The following WWOX variants were observed in gnomAD, a reference collection of about 807,000 sequenced individuals.
WWOX encodes the protein WW domain containing oxidoreductase.
WWOX carries 69 observed loss-of-function variants against 46.2 expected under a neutral mutation model. That is an observed-to-expected ratio of 1.49 (90% CI 1.23 to 1.82). The LOEUF is 1.82. Ranked by LOEUF, WWOX falls within the 40% of genes most tolerant of loss-of-function variation. WWOX has a pLI of 0.00. For synonymous variants in WWOX, 359 were observed against 202.6 expected (o/e 1.77, Z -6.56); for missense variants, 919 against 542.6 (o/e 1.69, Z -6.89).
chr16:78,389,292 G>A lies in WWOX; in HGVS notation c.605+2344G>A, dbSNP rs188563978. On this transcript the variant is annotated intron_variant, in intron 6 of 8. Coordinates refer to ENST00000566780, the MANE Select transcript of WWOX (RefSeq NM_016373.4). ...TGCTTCGTCATTCATTTATCCACCC[G>A]TTCCTTCACTTCACACACATTTCAG... 2.1e-3 allele frequency among the ~76,000 whole-genome samples: 326 copies of A among 152,230 alleles called. 4 individuals are homozygous for A. The highest frequency in any genetic ancestry group is 0.019 in the Admixed American group (290 of 15,290).
At chr16:79,040,753 C>A (rs1417460975) in intron 8 of WWOX, among the ~76,000 whole-genome samples, 1 of 152,048 alleles carries the variant, frequency 6.6e-6, no homozygotes, top group African/African-American at 2.4e-5. Flanking sequence ...GACTTGTCAG[C>A]CAGGGAACCT....
chr16:78,959,833 T>C (rs1047907274), intron 8 of WWOX, among the ~76,000 whole-genome samples: 23 of 152,288 alleles, frequency 1.5e-4, no homozygotes, highest in African/African-American at 5.5e-4. Flanking sequence ...TACGGGGAAC[T>C]ATAAAAGATC....
At chr16:78,354,510 A>G (rs541302445) in intron 5 of WWOX, among the ~76,000 whole-genome samples, 33 of 152,254 alleles carry the variant, frequency 2.2e-4, no homozygotes, top group Admixed American at 5.9e-4. Flanking sequence ...TAAACTGGCA[A>G]TTACAACTGG....
chr16:79,210,425 T>C (rs995152582), intron 8 of WWOX, among the ~76,000 whole-genome samples: 2 of 152,184 alleles, frequency 1.3e-5, no homozygotes, highest in African/African-American at 4.8e-5. Context: ...ATGGTCACAA[T>C]GTAAACCCTG....
At chr16:78,857,627 T>C (rs544566907) in intron 8 of WWOX, among the ~76,000 whole-genome samples, 2 of 152,348 alleles carry the variant, frequency 1.3e-5, no homozygotes, top group East Asian at 1.9e-4. Context: ...TAGCCTAACA[T>C]TGACTATCTT....
intron 8 of WWOX, among the ~76,000 whole-genome samples, chr16:79,160,368 G>A (rs554443373): frequency 9.4e-4 from 143 of 152,184 alleles, no homozygotes; most frequent in Non-Finnish European, 1.8e-3. Flanking sequence ...ACCTAGTCCC[G>A]GCTCCACCTA....
chr16:79,023,178 T>C (rs2047569007), intron 8 of WWOX, among the ~76,000 whole-genome samples: 1 of 152,216 alleles, frequency 6.6e-6, no homozygotes. Flanking sequence ...CTTGACCTAA[T>C]GGAAAGCTTG....
intron 3 of WWOX, among the ~76,000 whole-genome samples, chr16:78,114,249 T>A (rs1256128925): frequency 6.6e-6 from 1 of 152,070 alleles, no homozygotes; most frequent in Non-Finnish European, 1.5e-5. Flanking sequence ...TACAGGCGTG[T>A]GCTATCACAC....
At chr16:78,185,834 T>C (rs1278419657) in intron 5 of WWOX, among the ~76,000 whole-genome samples, 1 of 119,492 alleles carries the variant, frequency 8.4e-6, no homozygotes, top group Non-Finnish European at 1.8e-5. Context: ...GCCCAGCTAA[T>C]TTTTGTATTT....
intron 8 of WWOX, among the ~76,000 whole-genome samples, chr16:78,540,020 T>TCTCACACACACA (rs369075883): frequency 1.5e-5 from 2 of 132,920 alleles, no homozygotes; most frequent in African/African-American, 6.0e-5. Context: ...TCTCTCTCTC[T>TCTCACACACACA]CACACACACA....
chr16:78,945,341 C>A (rs935116203), intron 8 of WWOX, among the ~76,000 whole-genome samples: 5 of 152,264 alleles, frequency 3.3e-5, no homozygotes, highest in Admixed American at 1.3e-4. Flanking sequence ...AATGTATAAT[C>A]TCAAACTTTA....
intron 8 of WWOX, among the ~76,000 whole-genome samples, chr16:78,856,315 A>G (rs2052565444): frequency 6.6e-6 from 1 of 152,218 alleles, no homozygotes; most frequent in Non-Finnish European, 1.5e-5. Flanking sequence ...AGCAGGGAGT[A>G]ACAGGCTTGT....
At chr16:78,826,477 T>C (rs977828483) in intron 8 of WWOX, among the ~76,000 whole-genome samples, 2 of 152,240 alleles carry the variant, frequency 1.3e-5, no homozygotes, top group African/African-American at 4.8e-5. Context: ...TTCTGGTGGC[T>C]GCTCGTGATT....
intron 8 of WWOX, among the ~76,000 whole-genome samples, chr16:78,661,270 G>C (rs532749569): frequency 2.6e-4 from 39 of 152,276 alleles, no homozygotes; most frequent in African/African-American, 9.1e-4. Flanking sequence ...GAGAGGACTG[G>C]AATGCCATTG....
intron 8 of WWOX, among the ~76,000 whole-genome samples, chr16:79,177,063 C>T (rs1001475319): frequency 6.6e-6 from 1 of 152,166 alleles, no homozygotes; most frequent in Non-Finnish European, 1.5e-5. Context: ...ATGGGATCAC[C>T]TACAAAGTCC....
At chr16:79,197,153 G>A (rs1321015073) in intron 8 of WWOX, among the ~76,000 whole-genome samples, 1 of 152,080 alleles carries the variant, frequency 6.6e-6, no homozygotes, top group Non-Finnish European at 1.5e-5. Context: ...TCACAAGTCT[G>A]TACCATTCTG....
chr16:79,197,205 A>G (rs1016740153), intron 8 of WWOX, among the ~76,000 whole-genome samples: 2 of 152,138 alleles, frequency 1.3e-5, no homozygotes, highest in African/African-American at 2.4e-5. Flanking sequence ...ATACATTCCC[A>G]CAGTGCCTAC....
At chr16:78,936,401 C>G (rs1281681187) in intron 8 of WWOX, among the ~76,000 whole-genome samples, 1 of 152,048 alleles carries the variant, frequency 6.6e-6, no homozygotes, top group Non-Finnish European at 1.5e-5. Context: ...CATGATCTCC[C>G]CAGGATGGGT....
At chr16:78,579,874 C>CT (rs903804873) in intron 8 of WWOX, among the ~76,000 whole-genome samples, 6 of 152,172 alleles carry the variant, frequency 3.9e-5, no homozygotes, top group Non-Finnish European at 7.3e-5. Flanking sequence ...CGAAGACTCA[C>CT]TGGAACCCAA....
Sources: allele counts gnomAD v4.1 joint callset (sites outside exome capture counted in the v4.1 genomes callset), GRCh38; gene constraint gnomAD v4.1.1; transcripts MANE v1.5; gene names NCBI Gene and HGNC (gene_info 2026-07-23, HGNC 2026-07-21).